HDAC9: variants seen among roughly 807,000 people sequenced by gnomAD.
The protein encoded by HDAC9 is histone deacetylase 9.
Under a neutral mutation model 139.4 loss-of-function variants are expected in HDAC9, and 41 were observed. The observed-to-expected ratio is 0.29, with a 90% CI of 0.23 to 0.38. HDAC9 has a LOEUF of 0.38. HDAC9 is among the 10% of genes least tolerant of loss of function. HDAC9 has a pLI of 1.00. For missense variants in HDAC9, 1,147 were observed against 1,297.0 expected (o/e 0.88, Z 1.78); for synonymous variants, 517 against 476.2 (o/e 1.09, Z -1.12).
Position 18,855,591 on chromosome 7 carries a change from T to A in HDAC9, c.2685-18887T>A, listed in dbSNP as rs1042252313. ...GCCGTGCTGAACTTGAGCACTCCTT[T>A]TCAACTGCCTGTGGTTTCACCACTT... On this transcript the variant is annotated intron_variant, in intron 21 of 25. Coordinates refer to ENST00000686413, the MANE Select transcript of HDAC9 (RefSeq NM_178425.4). Among the ~76,000 whole-genome samples the A allele has an allele frequency of 3.9e-5, 6 of 152,090 alleles. No homozygotes were observed. The South Asian group carries it at 1.2e-3, about 32-fold the overall frequency.
chr7:18,252,411 T>A (rs1023398134), intron 2 of HDAC9, among the ~76,000 whole-genome samples: 3 of 152,194 alleles, frequency 2.0e-5, no homozygotes, highest in Non-Finnish European at 4.4e-5. Flanking sequence ...AATGTTTTTA[T>A]AACTGCAAAA....
intron 13 of HDAC9, among the ~76,000 whole-genome samples, chr7:18,734,647 T>C (rs932223063): frequency 2.6e-5 from 4 of 152,262 alleles, no homozygotes; most frequent in African/African-American, 9.6e-5. Context: ...TGATGGACAT[T>C]TGAGTCGATT....
chr7:18,210,011 C>CTT (rs34805942), intron 2 of HDAC9, among the ~76,000 whole-genome samples: 6 of 146,816 alleles, frequency 4.1e-5, no homozygotes, highest in Non-Finnish European at 6.0e-5. Context: ...AGAGAAGGTA[C>CTT]TTTTTTTTTT....
chr7:18,317,542 A>G (rs1348502327), intron 1 of HDAC9, among the ~76,000 whole-genome samples: 2 of 152,222 alleles, frequency 1.3e-5, no homozygotes, highest in East Asian at 3.9e-4. Context: ...TAATGTTGAC[A>G]AAAATAGTAG....
intron 25 of HDAC9, among the ~76,000 whole-genome samples, chr7:18,978,243 G>C (rs1487542102): frequency 2.0e-5 from 3 of 152,150 alleles, no homozygotes; most frequent in African/African-American, 7.2e-5. Flanking sequence ...TTGGTGTTTG[G>C]AGTGAGATGA....
upstream of HDAC9, chr7:18,086,833 C>G (rs1469109356): frequency 6.7e-6 from 1 of 150,254 alleles, no homozygotes; most frequent in Non-Finnish European, 1.5e-5. Context: ...TTAGCAAATT[C>G]TCCGCGCGCC....
chr7:18,370,900 A>G (rs953756164), intron 1 of HDAC9, among the ~76,000 whole-genome samples: 1 of 152,092 alleles, frequency 6.6e-6, no homozygotes, highest in African/African-American at 2.4e-5. Context: ...GGCTGTTTAG[A>G]GGTTTGGGTC....
intron 24 of HDAC9, among the ~76,000 whole-genome samples, chr7:18,975,242 A>G (rs374799530): frequency 6.6e-6 from 1 of 152,230 alleles, no homozygotes; most frequent in East Asian, 1.9e-4. Context: ...TTTTAAGTCA[A>G]TTATTGTTCT....
chr7:18,457,545 G>T (rs1434847191), intron 1 of HDAC9, among the ~76,000 whole-genome samples: 1 of 152,058 alleles, frequency 6.6e-6, no homozygotes, highest in Non-Finnish European at 1.5e-5. Context: ...GTTTCTTTCT[G>T]ATTAGTTGCT....
At chr7:18,195,733 C>CT (rs1790679657) in intron 2 of HDAC9, among the ~76,000 whole-genome samples, 1 of 152,120 alleles carries the variant, frequency 6.6e-6, no homozygotes, top group Non-Finnish European at 1.5e-5. Flanking sequence ...GCACCTGTCA[C>CT]TTTTTTGATG....
rs1213676682 is a variant in HDAC9 at position 18,585,500 on chromosome 7, C to T, written c.242C>T (p.Ala81Val). 6.2e-7 allele frequency: 1 copy of T among 1,613,658 alleles called. No individual in the cohort carries two copies. Among genetic ancestry groups the T allele is most frequent in the Non-Finnish European group, 8.5e-7 (1 of 1,179,778 alleles). Reference sequence around the variant, plus strand: ...GAGAACTTGACACGGCAGCACCAGGCTCAGCTTCAGGAGCATATCAAGGTA... The same window carrying T: ...GAGAACTTGACACGGCAGCACCAGGTTCAGCTTCAGGAGCATATCAAGGTA... ...QHENLTRQHQ[A>V]QLQEHIKLQQ... is the part of the protein sequence containing the mutation. The change falls in exon 3 of 26, where the codon GCT becomes GTT. Residue 81 changes from alanine to valine, a missense_variant. Coordinates refer to ENST00000686413, the MANE Select transcript of HDAC9 (RefSeq NM_178425.4).
intron 12 of HDAC9, among the ~76,000 whole-genome samples, chr7:18,692,252 T>C (rs1782723872): frequency 6.6e-6 from 1 of 152,106 alleles, no homozygotes; most frequent in African/African-American, 2.4e-5. Context: ...TGTTCTCTTG[T>C]CTGATGAGTT....
intron 15 of HDAC9, among the ~76,000 whole-genome samples, chr7:18,765,097 T>G (rs1205056272): frequency 6.6e-6 from 1 of 152,144 alleles, no homozygotes; most frequent in East Asian, 1.9e-4. Flanking sequence ...TAGCCAAATT[T>G]CAGTGCATTG....
intron 2 of HDAC9, among the ~76,000 whole-genome samples, chr7:18,234,453 T>C (rs1190417216): frequency 2.6e-5 from 4 of 152,216 alleles, no homozygotes; most frequent in Non-Finnish European, 5.9e-5. Context: ...ATTCTTTTAT[T>C]CCATCTACTC....
At chr7:18,841,265 C>T (rs1796564227) in intron 21 of HDAC9, among the ~76,000 whole-genome samples, 1 of 151,902 alleles carries the variant, frequency 6.6e-6, no homozygotes, top group African/African-American at 2.4e-5. Context: ...TTTGCATTCA[C>T]TCTTTTGGTA....
chr7:18,625,875 C>G (rs1249011860), intron 6 of HDAC9, among the ~76,000 whole-genome samples: 1 of 128,054 alleles, frequency 7.8e-6, no homozygotes, highest in Admixed American at 9.1e-5. Flanking sequence ...ACCCAGGAGG[C>G]GGAGGTTGCA....
intron 2 of HDAC9, among the ~76,000 whole-genome samples, chr7:18,183,263 C>A (rs1782223903): frequency 6.6e-6 from 1 of 152,192 alleles, no homozygotes; most frequent in Non-Finnish European, 1.5e-5. Flanking sequence ...CCCGCCTCGG[C>A]CTCCCAAAGT....
At chr7:18,116,414 A>G (rs994908018) in intron 1 of HDAC9, among the ~76,000 whole-genome samples, 1 of 152,186 alleles carries the variant, frequency 6.6e-6, no homozygotes, top group Non-Finnish European at 1.5e-5. Flanking sequence ...ATATTAATCA[A>G]AAGTACTGTG....
intron 21 of HDAC9, among the ~76,000 whole-genome samples, chr7:18,855,877 G>T (rs575310982): frequency 1.3e-5 from 2 of 152,040 alleles, no homozygotes; most frequent in African/African-American, 2.4e-5. Flanking sequence ...TTTTACTTCT[G>T]TGCACCGTCA....
Sources: gnomAD v4.1 joint callset for allele counts (sites outside exome capture counted in the v4.1 genomes callset) on GRCh38, gnomAD v4.1.1 for gene constraint, MANE v1.5 for transcripts, NCBI Gene and HGNC (gene_info 2026-07-23, HGNC 2026-07-21) for gene names.